Variants in DIXDC1 observed in about 807,000 individuals in gnomAD.
DIXDC1 encodes dixin.
Under a neutral mutation model 103.1 loss-of-function variants are expected in DIXDC1, and 64 were observed. The observed-to-expected ratio is 0.62, with a 90% CI of 0.51 to 0.76. The LOEUF (loss-of-function observed/expected upper bound fraction) is 0.76. DIXDC1 is among the 30% of genes least tolerant of loss of function. DIXDC1 has a pLI of 0.00. For synonymous variants in DIXDC1, 266 were observed against 298.5 expected, an observed-to-expected ratio of 0.89 and a Z score of 1.12; for missense variants, 759 against 834.2, an observed-to-expected ratio of 0.91 and a Z score of 1.11.
At chr11:111,982,180 T>C (rs1555173289) in intron 6 of DIXDC1, 159 bp from the exon 7 acceptor site, 3 of 660,164 alleles carry the variant, frequency 4.5e-6, no homozygotes, top group African/African-American at 1.8e-5. Flanking sequence ...GCCAATTCTT[T>C]AGGCCTCACA....
intron 1 of DIXDC1, among the ~76,000 whole-genome samples, chr11:111,960,481 C>T (rs1859536275): frequency 6.6e-6 from 1 of 151,152 alleles, no homozygotes; most frequent in Non-Finnish European, 1.5e-5. Flanking sequence ...GTAATCCCAG[C>T]TTCTCGGGAG....
At chr11:111,938,323 A>G (rs1358321144) in intron 1 of DIXDC1, among the ~76,000 whole-genome samples, 1 of 152,124 alleles carries the variant, frequency 6.6e-6, no homozygotes, top group Non-Finnish European at 1.5e-5. Flanking sequence ...CTTCCCCCTC[A>G]AGATTTGCTC....
At chr11:111,929,715 G>C in intron 1 of DIXDC1, 1 of 624,868 alleles carries the variant, frequency 1.6e-6, no homozygotes, top group Non-Finnish European at 2.7e-6. Context: ...ACTTAAGTTG[G>C]TAGGTTTTGG....
intron 1 of DIXDC1, among the ~76,000 whole-genome samples, chr11:111,950,713 C>T (rs1966777479): frequency 6.6e-6 from 1 of 151,926 alleles, no homozygotes; most frequent in African/African-American, 2.4e-5. Flanking sequence ...GCCTCAGCCT[C>T]CCAAAGTGCT....
At chr11:112,011,389 A>C (rs587730722) in intron 17 of DIXDC1, among the ~76,000 whole-genome samples, 2 of 152,358 alleles carry the variant, frequency 1.3e-5, no homozygotes, top group Admixed American at 1.3e-4. Context: ...TGTGGAAGAC[A>C]GTGTGGCGAT....
rs1036592288 is a variant in DIXDC1 at position 111,958,765 on chromosome 11, A to G, written c.61-5784A>G. Among the ~76,000 whole-genome samples, 3 of 152,146 alleles carry G rather than the reference A, an allele frequency of 2.0e-5. No individual in the cohort carries two copies. Among genetic ancestry groups the G allele is most frequent in the Non-Finnish European group, 4.4e-5 (3 of 68,026 alleles). On this transcript the variant is annotated intron_variant, in intron 1 of 19. Coordinates refer to ENST00000440460, the MANE Select transcript of DIXDC1 (RefSeq NM_001037954.4). This position sits in a 1 kb window ranked among gnomAD's most constrained non-coding sequence, Gnocchi z 4.2. ...TATGGTGTTTTTTCCAGGCCTACCC[A>G]TGGCCACCCATGAACCAATCAGTAC...
chr11:111,987,991 T>G (rs1269199478), intron 9 of DIXDC1, among the ~76,000 whole-genome samples: 1 of 150,640 alleles, frequency 6.6e-6, no homozygotes, highest in Non-Finnish European at 1.5e-5. Context: ...TTTTATTTAT[T>G]TGTTTTGTTT....
chr11:111,940,595 T>C (rs587616261), intron 1 of DIXDC1, among the ~76,000 whole-genome samples: 15 of 152,352 alleles, frequency 9.8e-5, no homozygotes, highest in South Asian at 2.1e-4. Flanking sequence ...TTTGAGCGAC[T>C]TGAGATTATA....
chr11:111,956,476 A>G (rs1334229060), intron 1 of DIXDC1, among the ~76,000 whole-genome samples: 3 of 152,162 alleles, frequency 2.0e-5, no homozygotes, highest in Non-Finnish European at 4.4e-5. Flanking sequence ...TTGAGCAGCA[A>G]AATAAATAGT....
intron 2 of DIXDC1, among the ~76,000 whole-genome samples, chr11:111,932,065 T>C (rs1966040221): frequency 1.5e-5 from 2 of 133,584 alleles, no homozygotes; most frequent in Non-Finnish European, 3.1e-5. Context: ...AGAGTCTCAC[T>C]CTGTTCCCAG....
chr11:111,933,405 G>T (rs907133823), upstream of DIXDC1, among the ~76,000 whole-genome samples: 1 of 152,102 alleles, frequency 6.6e-6, no homozygotes, highest in African/African-American at 2.4e-5. Flanking sequence ...AATATACTGG[G>T]ATTACAGGCG....
rs1966252490 is a variant in DIXDC1, at chr11:111,937,546, A to G, written c.47A>G (p.Glu16Gly). The G allele has an allele frequency of 2.5e-6, 4 of 1,594,078 alleles. No individual in the cohort carries two copies. Among genetic ancestry groups the G allele is most frequent in the Non-Finnish European group, 2.6e-6 (3 of 1,170,702 alleles). Residue 16 changes from glutamate to glycine, a missense_variant, in exon 1 of 20, where the codon GAG (glutamate) becomes GGG (glycine). Glu to Gly is a moderately conservative substitution (Grantham distance 98). Transcript: ENST00000440460. The stretch of plus-strand genomic sequence containing the variant: ...GGGAACTTACTGGACGTCCTGCAGG[A>G]GGGCTTCAATGAGGTAACTGTCCTG... ...TRGNLLDVLQ[E>G]GFNEQQLQAY...
upstream of DIXDC1, among the ~76,000 whole-genome samples, chr11:111,935,091 T>G (rs1489121179): frequency 6.6e-6 from 1 of 152,156 alleles, no homozygotes; most frequent in Non-Finnish European, 1.5e-5. Context: ...TAGGGAATAG[T>G]GCAATATTGG....
Position 111,974,067 on chromosome 11 carries a change from G to A in DIXDC1, c.361G>A (p.Ala121Thr). 6.2e-7 allele frequency: 1 copy of A among 1,613,972 alleles called. No individual in the cohort carries two copies. The highest frequency in any genetic ancestry group is 1.1e-5 in the South Asian group (1 of 91,084). The part of the protein sequence containing the change: ...NLKSIMRLVL[A>T]LAAHFKPGSS... ...GAAGTCTATCATGAGGCTGGTCCTTGCCTTGGCAGCTCATTTCAAACCTGG... is the reference window on the plus strand; with the variant it reads ...GAAGTCTATCATGAGGCTGGTCCTTACCTTGGCAGCTCATTTCAAACCTGG... The change falls in exon 4 of 20, where the codon GCC becomes ACC. Residue 121 changes from alanine to threonine, a missense_variant. Ala to Thr is a moderately conservative substitution (Grantham distance 58). Around this residue, in one of 3 missense-constraint regions of DIXDC1, gnomAD observed 657 missense variants for 727.5 expected, o/e 0.90. Transcript: ENST00000440460.
In DIXDC1 at chr11:112,017,282, C is replaced by A. The variant is rs1192734400; in HGVS notation, c.1862+486C>A. ...TGGTTTTGAAATAGAAATATTTAAACTCTGCAACCAACTATTGAGAGAGGT... is the reference window on the plus strand; with the variant it reads ...TGGTTTTGAAATAGAAATATTTAAAATCTGCAACCAACTATTGAGAGAGGT... On this transcript the variant is annotated intron_variant, in intron 18 of 19. Coordinates refer to ENST00000440460, the MANE Select transcript of DIXDC1 (RefSeq NM_001037954.4). The surrounding 1 kb of genome is among the most constrained non-coding windows in gnomAD (Gnocchi z 4.0). Among the ~76,000 whole-genome samples the A allele has an allele frequency of 6.6e-5, 10 of 152,142 alleles. No individual in the cohort carries two copies. Among genetic ancestry groups the A allele is most frequent in the Admixed American group, 6.5e-4 (10 of 15,272 alleles).
Position 111,977,176 on chromosome 11 carries a change from C to A in DIXDC1, c.656+2193C>A, listed in dbSNP as rs587700623. 7.8e-5 allele frequency: 66 copies of A among 850,430 alleles called. No individual in the cohort carries two copies. The South Asian group carries it at 3.0e-3, about 38-fold the overall frequency. 52.7% of individuals were successfully genotyped at this position (850,430 alleles called of 1,614,324 possible). A position where few individuals can be genotyped will look rare whatever the true frequency, so the allele number is the denominator to read the frequency against. On this transcript the variant is annotated intron_variant, in intron 5 of 19. Transcript: ENST00000440460. This position sits in a 1 kb window ranked among gnomAD's most constrained non-coding sequence, Gnocchi z 6.1. ...CACCCCCACCTCCACCCCGCCCAGC[C>A]CCGCCCCTGGCCCGCACCCTCAACC...
intron 17 of DIXDC1, among the ~76,000 whole-genome samples, chr11:112,007,704 A>T (rs1555176750): frequency 3.9e-5 from 6 of 152,182 alleles, no homozygotes. Context: ...ATCCAGCCAA[A>T]CTAAGCTTCA....
chr11:112,001,715 A>G (rs782627667), intron 17 of DIXDC1, among the ~76,000 whole-genome samples: 4 of 151,898 alleles, frequency 2.6e-5, no homozygotes, highest in Non-Finnish European at 4.4e-5. Context: ...CCTGGGAGGA[A>G]GATGGGGCCA....
chr11:111,951,971 T>G (rs1966824315), intron 1 of DIXDC1, among the ~76,000 whole-genome samples: 1 of 151,746 alleles, frequency 6.6e-6, no homozygotes, highest in African/African-American at 2.4e-5. Flanking sequence ...GTTCAAGCGG[T>G]TCTCCTACCT....
Sources: gnomAD v4.1 joint callset for allele counts (sites outside exome capture counted in the v4.1 genomes callset) on GRCh38, gnomAD v4.1.1 for gene constraint, gnomAD v4.1.1 regional missense constraint, Gnocchi (gnomAD v3.1) non-coding constraint, MANE v1.5 for transcripts, NCBI Gene and HGNC (gene_info 2026-07-23, HGNC 2026-07-21) for gene names.